Variants in RNF213 observed in about 807,000 individuals in gnomAD.
RNF213 encodes E3 ubiquitin-protein ligase RNF213.
RNF213 carries 341 observed loss-of-function variants against 514.4 expected under a neutral mutation model. The ratio of observed to expected loss-of-function variants is 0.66; its 90% CI spans 0.61 to 0.73. The LOEUF (loss-of-function observed/expected upper bound fraction) is 0.73. RNF213 is among the 30% of genes least tolerant of loss of function. The pLI is 0.00. For synonymous variants in RNF213, 2,655 were observed against 2,658.2 expected (o/e 1.00, Z 0.04); for missense variants, 5,767 against 6,615.6 (o/e 0.87, Z 4.45).
chr17:80,390,366 G>A (rs1001925066), intron 67 of RNF213, among the ~76,000 whole-genome samples, 170 bp downstream of exon 67: 3 of 152,060 alleles, frequency 2.0e-5, no homozygotes, highest in Non-Finnish European at 4.4e-5. Context: ...ATCTCTACTG[G>A]GTTTTCTTTA....
At chr17:80,275,974 T>C (rs1567999642) in intron 3 of RNF213, among the ~76,000 whole-genome samples, 1 of 151,064 alleles carries the variant, frequency 6.6e-6, no homozygotes, top group Non-Finnish European at 1.5e-5. Flanking sequence ...TTTTTTTTTT[T>C]CTTTTTTCTT....
In RNF213 at chr17:80,373,097, G is replaced by T. The variant is rs144721501; in HGVS notation, c.12874G>T (p.Val4292Leu). ...CAGCAGCCAGCGGGGGATGGAGTTC[G>T]TGCAGGGCCTCTCCAAGCCCGGCCG... ...KLSSQRGMEF[V>L]QGLSKPGRPH... Residue 4292 changes from valine (V) to leucine (L), a missense_variant, in exon 49 of 68, where the codon GTG (valine) becomes TTG (leucine). This residue lies in a region of RNF213 where 1,245 missense variants were observed against 1,339.0 expected (regional missense o/e 0.93). Coordinates refer to ENST00000582970, the MANE Select transcript of RNF213 (RefSeq NM_001256071.3). 1.2e-6 allele frequency: 2 copies of T among 1,613,740 alleles called. 1 individual carries two copies. Among genetic ancestry groups the T allele is most frequent in the South Asian group, 2.2e-5 (2 of 91,076 alleles).
At chr17:80,348,307 GTACCCTA>G in intron 29 of RNF213, 21 bp downstream of exon 29, 1 of 1,607,318 alleles carries the variant, frequency 6.2e-7, no homozygotes, top group Non-Finnish European at 8.5e-7. Flanking sequence ...TTCTGCACTT[GTACCCTA>G]TCCCCTGTCA....
Position 80,393,355 on chromosome 17 carries a change from A to T in RNF213, c.15481A>T (p.Thr5161Ser). ...RFRPQWSLRDTLVSYMQTKES... is the reference protein window; with the variant it reads ...RFRPQWSLRDSLVSYMQTKES... Reference sequence around the variant, plus strand: ...TCTTTGGTTTTTCAGCCTGAGAGACACTCTCGTAAGTTACATGCAAACTAA... The same window carrying T: ...TCTTTGGTTTTTCAGCCTGAGAGACTCTCTCGTAAGTTACATGCAAACTAA... Residue 5161 changes from threonine (T) to serine (S), a missense_variant, in exon 68 of 68, where the codon ACT (threonine) becomes TCT (serine). Thr to Ser is a moderately conservative substitution (Grantham distance 58). Transcript: ENST00000582970. 6.2e-7 allele frequency: 1 copy of T among 1,613,962 alleles called. No homozygotes were observed. Among genetic ancestry groups the T allele is most frequent in the Non-Finnish European group, 8.5e-7 (1 of 1,179,992 alleles).
At position 80,323,453 on chromosome 17, in the gene RNF213, G is replaced by A. The variant is rs1044089475; in HGVS notation, c.3025-1577G>A. Reference sequence around the variant, plus strand: ...AGTCAGCTGGGATTCTGGTAGGGCTGGTATTCAATGTATAGATCAGTTTGG... The same window carrying A: ...AGTCAGCTGGGATTCTGGTAGGGCTAGTATTCAATGTATAGATCAGTTTGG... On this transcript the variant is annotated intron_variant, in intron 17 of 67. Coordinates refer to ENST00000582970, the MANE Select transcript of RNF213 (RefSeq NM_001256071.3). 2.0e-5 allele frequency among the ~76,000 whole-genome samples: 3 copies of A among 152,198 alleles called. 1 individual carries two copies.
intron 42 of RNF213, 167 bp downstream of exon 42, chr17:80,364,720 G>A: frequency 1.4e-6 from 1 of 724,788 alleles, no homozygotes; most frequent in Non-Finnish European, 2.3e-6. Context: ...CATTTTCCAT[G>A]TTTAATTGTT....
At chr17:80,278,855 A>C in intron 3 of RNF213, 1 of 1,537,222 alleles carries the variant, frequency 6.5e-7, no homozygotes, top group South Asian at 1.2e-5. Flanking sequence ...AAGAGAAGGA[A>C]GCAGGATGCA....
chr17:80,307,900 T>A (rs1265350091), intron 13 of RNF213, among the ~76,000 whole-genome samples: 1 of 151,372 alleles, frequency 6.6e-6, no homozygotes, highest in Non-Finnish European at 1.5e-5. Context: ...AGATATCAGC[T>A]GCTAAGATTT....
Position 80,340,049 on chromosome 17 carries a change from G to A in RNF213, c.5682G>A (p.Leu1894=). The change falls in exon 26 of 68, where the codon CTG becomes CTA. Residue 1894 remains leucine (L), a synonymous_variant. Coordinates refer to ENST00000582970, the MANE Select transcript of RNF213 (RefSeq NM_001256071.3). The part of the protein sequence containing the change: ...LGSLGHKVYS[L]LFADQLSYEV... Reference sequence around the variant, plus strand: ...CCCTGGGGCACAAGGTCTACAGCCTGCTGTTCGCAGATCAGCTGAGCTACG... The same window carrying A: ...CCCTGGGGCACAAGGTCTACAGCCTACTGTTCGCAGATCAGCTGAGCTACG... 2.6e-6 allele frequency: 4 copies of A among 1,561,494 alleles called. No individual in the cohort carries two copies. The highest frequency in any genetic ancestry group is 3.5e-6 in the Non-Finnish European group (4 of 1,157,660).
intron 10 of RNF213, among the ~76,000 whole-genome samples, 157 bp from the exon 11 acceptor site, chr17:80,298,164 A>G (rs1161641441): frequency 6.6e-6 from 1 of 152,112 alleles, no homozygotes; most frequent in African/African-American, 2.4e-5. Context: ...GGCTGAGGGA[A>G]GCCCTGTCTC....
intron 14 of RNF213, among the ~76,000 whole-genome samples, chr17:80,312,537 G>C (rs1162138133): frequency 7.4e-6 from 1 of 134,338 alleles, no homozygotes; most frequent in Non-Finnish European, 1.6e-5. Flanking sequence ...CAGGAGCCTG[G>C]CTGTGGTCTG....
At chr17:80,384,935 T>A in intron 59 of RNF213, 104 bp from the exon 60 acceptor site, 1 of 1,227,432 alleles carries the variant, frequency 8.1e-7, no homozygotes, top group Non-Finnish European at 1.2e-6. Flanking sequence ...ACTGACCAGA[T>A]TAAGCTACAA....
intron 61 of RNF213, 43 bp from the exon 62 acceptor site, chr17:80,386,207 G>A: frequency 6.3e-7 from 1 of 1,588,408 alleles, no homozygotes; most frequent in South Asian, 1.1e-5. Flanking sequence ...TCTGTGAGGA[G>A]TTGGAACTCC....
intron 3 of RNF213, among the ~76,000 whole-genome samples, chr17:80,277,595 CAAAAAA>C (rs34659718): frequency 1.4e-5 from 1 of 69,726 alleles, no homozygotes; most frequent in Non-Finnish European, 2.8e-5. Context: ...GACTCTGTCT[CAAAAAA>C]AAAAAAAAAA....
rs144160370 is a variant in RNF213 at position 80,372,992 on chromosome 17, C to T, written c.12769C>T (p.Gln4257Ter). ...CCTCTCAGAGATGGCCAAGGAGAAG[C>T]AGTGCTACCTGCAGCAAGTCAAGCA... ...EGGPEMAKEK[Q>*]CYLQQVKQFC... Residue 4257 changes from glutamine to a stop codon, truncating the protein, a stop_gained, in exon 49 of 68, where the codon CAG (glutamine) becomes TAG (stop). Transcript: ENST00000582970. LOFTEE classifies it high-confidence loss of function. 3.7e-6 allele frequency: 6 copies of T among 1,613,860 alleles called. No individual in the cohort carries two copies. The East Asian group carries it at 8.9e-5, about 24-fold the overall frequency.
At position 80,372,962 on chromosome 17, in the gene RNF213, G is replaced by C. The variant is rs752578610; in HGVS notation, c.12752-13G>C. ...TCACCAGCCACTCACCCGCTTTCTC[G>C]TTGGCCTCTCAGAGATGGCCAAGGA... On this transcript the variant is annotated splice_polypyrimidine_tract_variant and intron_variant, in intron 48 of 67. Transcript: ENST00000582970. 1 of 1,612,090 alleles carries C rather than the reference G, an allele frequency of 6.2e-7. No homozygotes were observed. Among genetic ancestry groups the C allele is most frequent in the African/African-American group, 1.3e-5 (1 of 74,818 alleles).
chr17:80,350,268 GAA>G (rs2078459003), intron 30 of RNF213, 31 bp from the exon 31 acceptor site: 1 of 1,291,520 alleles, frequency 7.7e-7, no homozygotes, highest in South Asian at 1.2e-5. Flanking sequence ...TTAAGACAGA[GAA>G]CTCACTTGAA....
intron 58 of RNF213, 109 bp from the exon 59 acceptor site, chr17:80,383,568 G>C: frequency 8.8e-7 from 1 of 1,140,642 alleles, no homozygotes; most frequent in Admixed American, 1.7e-5. Flanking sequence ...CAGAGCAGGG[G>C]ACAAACGCCC....
rs1365759317 is a variant in RNF213, at chr17:80,347,926, G to C, written c.9591G>C (p.Lys3197Asn). The C allele has an allele frequency of 1.2e-6, 2 of 1,614,166 alleles. No homozygotes were observed. The highest frequency in any genetic ancestry group is 2.2e-5 in the East Asian group (1 of 44,876). The change falls in exon 29 of 68, where the codon AAG becomes AAC. Residue 3197 changes from lysine (K) to asparagine (N), a missense_variant. Lys to Asn is a moderately conservative substitution (Grantham distance 94). This residue lies in a region of RNF213 where 919 missense variants were observed against 1,121.0 expected (regional missense o/e 0.82). Coordinates refer to ENST00000582970, the MANE Select transcript of RNF213 (RefSeq NM_001256071.3). This position sits in a 1 kb window ranked among gnomAD's most constrained non-coding sequence, Gnocchi z 7.2. Reference sequence around the variant, plus strand: ...AGGAGCTCTGTGCGTGGGTGGAGAAGTTCATCAATGTCAAAGCACATCATT... The same window carrying C: ...AGGAGCTCTGTGCGTGGGTGGAGAACTTCATCAATGTCAAAGCACATCATT... ...IVEELCAWVE[K>N]FINVKAHHFQ...
Sources: gnomAD v4.1 joint callset for allele counts (sites outside exome capture counted in the v4.1 genomes callset) on GRCh38, gnomAD v4.1.1 for gene constraint, gnomAD v4.1.1 regional missense constraint, Gnocchi (gnomAD v3.1) non-coding constraint, MANE v1.5 for transcripts, NCBI Gene and HGNC (gene_info 2026-07-23, HGNC 2026-07-21) for gene names.